AHCY: variants seen among roughly 807,000 people sequenced by gnomAD.
AHCY encodes the protein adenosylhomocysteinase.
A neutral mutation model predicts 45.4 loss-of-function variants in AHCY; 24 were observed. The ratio of observed to expected loss-of-function variants is 0.53; its 90% confidence interval spans 0.38 to 0.74. AHCY has a LOEUF of 0.74. AHCY is among the 30% of genes least tolerant of loss of function. The pLI, the probability that AHCY is intolerant of heterozygous loss-of-function variation, is 0.00. For synonymous variants in AHCY, 245 were observed against 235.1 expected (o/e 1.04, Z -0.39); for missense variants, 449 against 594.1 (o/e 0.76, Z 2.54).
At chr20:34,295,240 TG>T in intron 2 of AHCY, 154 bp downstream of exon 2, 1 of 933,190 alleles carries the variant, frequency 1.1e-6, no homozygotes, top group Non-Finnish European at 1.7e-6. Flanking sequence ...GTGGCAGCAC[TG>T]GGAAACGGAG....
At chr20:34,254,565 C>T in the AHCY span, among the ~76,000 whole-genome samples, 1 of 152,158 alleles carries the variant, frequency 6.6e-6, no homozygotes, top group African/African-American at 2.4e-5. Flanking sequence ...CAACAAAACC[C>T]GTCCCGAATT....
At chr20:34,301,994 CT>C (rs1568815622) in intron 1 of AHCY, 2 of 952,356 alleles carry the variant, frequency 2.1e-6, no homozygotes, top group Non-Finnish European at 2.5e-6. Flanking sequence ...TTAATAGTGT[CT>C]TTTTTTGTTT....
At chr20:34,288,453 A>G (rs1973737169) in intron 8 of AHCY, among the ~76,000 whole-genome samples, 1 of 152,178 alleles carries the variant, frequency 6.6e-6, no homozygotes, top group South Asian at 2.1e-4. Flanking sequence ...AGATAACTTA[A>G]GCTCAGGAGT....
downstream of AHCY, among the ~76,000 whole-genome samples, chr20:34,279,453 G>A (rs1267040857): frequency 6.6e-6 from 1 of 151,756 alleles, no homozygotes; most frequent in Non-Finnish European, 1.5e-5. Context: ...TCTAAAAGAT[G>A]CTTGCACCAT....
intron 8 of AHCY, chr20:34,285,947 T>C: frequency 2.9e-6 from 1 of 342,542 alleles, no homozygotes; most frequent in South Asian, 2.5e-5. Flanking sequence ...AAAAAAAAAA[T>C]ACAAAAAATT....
Position 34,295,542 on chromosome 20 carries a change from A to G in AHCY, c.72T>C (p.Ile24=), listed in dbSNP as rs1331815162. ...TCAGGCCCGGCATCTCGTTCTCAGC[A>G]ATGTCCAGGGCCTTGCGTCCCCAGG... is the stretch of plus-strand genomic sequence containing the variant. ...LAAWGRKALD[I]AENEMPGLMR... Residue 24 remains isoleucine (I), a synonymous_variant, in exon 2 of 10, where the codon ATT becomes ATC. Coordinates refer to ENST00000217426, the MANE Select transcript of AHCY (RefSeq NM_000687.4). 1.9e-5 allele frequency: 31 copies of G among 1,614,122 alleles called. No homozygotes were observed. The highest frequency in any genetic ancestry group is 2.6e-5 in the Non-Finnish European group (31 of 1,180,016).
At chr20:34,287,386 A>ATT (rs11479058) in intron 8 of AHCY, among the ~76,000 whole-genome samples, 3 of 115,734 alleles carry the variant, frequency 2.6e-5, no homozygotes, top group Admixed American at 9.5e-5. Flanking sequence ...TATTTTATTA[A>ATT]TTTTTTTTTT....
chr20:34,269,121 T>A, the AHCY span: 3 of 1,559,166 alleles, frequency 1.9e-6, no homozygotes, highest in South Asian at 3.5e-5. Flanking sequence ...CAGTGCCGCT[T>A]CTTCCGCAGC....
At chr20:34,234,133 C>T in the AHCY span, among the ~76,000 whole-genome samples, 8 of 152,184 alleles carry the variant, frequency 5.3e-5, no homozygotes, top group East Asian at 1.9e-4. Context: ...GTGGCACAAG[C>T]TTGATCAAAA....
the AHCY span, among the ~76,000 whole-genome samples, chr20:34,247,684 C>G: frequency 1.3e-5 from 2 of 152,044 alleles, no homozygotes; most frequent in African/African-American, 4.8e-5. Flanking sequence ...ACACAGCTCA[C>G]TGCAGCCTTG....
the AHCY span, among the ~76,000 whole-genome samples, chr20:34,252,163 G>A: frequency 1.3e-3 from 203 of 152,318 alleles, no homozygotes; most frequent in Non-Finnish European, 2.2e-3. Context: ...CAGGTGGGAC[G>A]AGAGACTGAG....
At chr20:34,279,427 A>G (rs1453808856), downstream of AHCY, among the ~76,000 whole-genome samples, 1 of 151,728 alleles carries the variant, frequency 6.6e-6, no homozygotes, top group Non-Finnish European at 1.5e-5. Flanking sequence ...TCTAGAAAAA[A>G]AAAAAAAACA....
intron 3 of AHCY, chr20:34,293,830 G>A (rs886088860): frequency 1.8e-6 from 1 of 565,440 alleles, no homozygotes; most frequent in Middle Eastern, 4.4e-4. Flanking sequence ...TCATCATGTA[G>A]TTCCCAATCA....
chr20:34,282,777 C>G (rs1352305233), intron 9 of AHCY, among the ~76,000 whole-genome samples: 2 of 152,112 alleles, frequency 1.3e-5, no homozygotes, highest in East Asian at 3.9e-4. Context: ...TATGCAGAAA[C>G]CGAGGAGGAC....
At chr20:34,303,022 G>T in intron 1 of AHCY, 1 of 985,472 alleles carries the variant, frequency 1.0e-6, no homozygotes, top group Non-Finnish European at 1.2e-6. Context: ...CCCCGGCGTC[G>T]CGGGGCATGC....
At chr20:34,233,003 C>T in the AHCY span, among the ~76,000 whole-genome samples, 1 of 152,302 alleles carries the variant, frequency 6.6e-6, no homozygotes, top group East Asian at 1.9e-4. Context: ...CCTCCAGGTA[C>T]TGGGATCGTT....
chr20:34,284,507 A>T (rs2036105534), intron 9 of AHCY, among the ~76,000 whole-genome samples: 1 of 152,090 alleles, frequency 6.6e-6, no homozygotes, highest in Admixed American at 6.5e-5. Flanking sequence ...CAGCCTGCAG[A>T]CTGCACTCAG....
the AHCY span, among the ~76,000 whole-genome samples, chr20:34,271,481 CTGAT>C: frequency 5.4e-3 from 822 of 152,010 alleles, 9 homozygotes; most frequent in African/African-American, 0.019. Context: ...TTTGTGGCCA[CTGAT>C]TGATTCAGGA....
the AHCY span, chr20:34,246,356 T>C: frequency 1.3e-6 from 2 of 1,505,648 alleles, no homozygotes; most frequent in Non-Finnish European, 1.8e-6. Context: ...TGCAAGTTCA[T>C]TTAGAAAATT....
Sources: gnomAD v4.1 joint callset for allele counts (sites outside exome capture counted in the v4.1 genomes callset) on GRCh38, gnomAD v4.1.1 for gene constraint, MANE v1.5 for transcripts, NCBI Gene and HGNC (gene_info 2026-07-23, HGNC 2026-07-21) for gene names.